Variants in TSPAN7 observed in about 807,000 individuals in gnomAD.
TSPAN7 encodes the protein tetraspanin-7.
Under a neutral mutation model 17.6 loss-of-function variants are expected in TSPAN7, and 1 was observed. The observed-to-expected ratio is 0.06, with a 90% CI of 0.02 to 0.27. TSPAN7 has a LOEUF of 0.27. Ranked by LOEUF, TSPAN7 falls within the 10% of genes least tolerant of loss-of-function variation. The probability of loss-of-function intolerance (pLI) is 1.00; values close to 1 mark genes in which losing one functional copy is unlikely to be tolerated. For missense variants in TSPAN7, 112 were observed against 201.7 expected, an observed-to-expected ratio of 0.56 and a Z score of 2.69; for synonymous variants, 78 against 79.0, an observed-to-expected ratio of 0.99 and a Z score of 0.07.
intron 1 of TSPAN7, among the ~76,000 whole-genome samples, chrX:38,596,110 G>T (rs1284856650): frequency 9.0e-6 from 1 of 111,227 alleles, no homozygotes; most frequent in East Asian, 2.8e-4. Flanking sequence ...GTATCTGGGG[G>T]TAAGAGCATA....
chrX:38,571,320 C>A (rs1016659133), intron 1 of TSPAN7, among the ~76,000 whole-genome samples: 4 of 110,958 alleles, frequency 3.6e-5, no homozygotes, highest in Non-Finnish European at 3.8e-5. Flanking sequence ...ATACTTAGAC[C>A]CCATCCTAAG....
At chrX:38,575,835 G>A (rs776329884) in intron 1 of TSPAN7, among the ~76,000 whole-genome samples, 38 of 111,783 alleles carry the variant, frequency 3.4e-4, no homozygotes, top group African/African-American at 1.1e-3. Flanking sequence ...TTAATATACT[G>A]CTTCCTTCAT....
chrX:38,613,761 A>G (rs2069435179), intron 1 of TSPAN7, among the ~76,000 whole-genome samples: 1 of 110,474 alleles, frequency 9.1e-6, no homozygotes, highest in African/African-American at 3.3e-5. Flanking sequence ...CAGGATAGGT[A>G]CCCTATGTTT....
At chrX:38,575,832 AC>A (rs1295772120) in intron 1 of TSPAN7, among the ~76,000 whole-genome samples, 2 of 111,986 alleles carry the variant, frequency 1.8e-5, no homozygotes, top group Non-Finnish European at 3.8e-5. Flanking sequence ...TAATTAATAT[AC>A]TGCTTCCTTC....
chrX:38,646,347 A>G, intron 1 of TSPAN7: 1 of 1,119,471 alleles, frequency 8.9e-7, no homozygotes, highest in Non-Finnish European at 1.2e-6. Context: ...GGCTCCTACA[A>G]ATATTAATGT....
At chrX:38,687,506 A>G (rs2147461281) in intron 6 of TSPAN7, 93 bp from the exon 7 acceptor site, 1 of 820,338 alleles carries the variant, frequency 1.2e-6, no homozygotes, top group East Asian at 3.6e-5. Context: ...AAAATCACAT[A>G]CCCCATAAAT....
intron 3 of TSPAN7, among the ~76,000 whole-genome samples, chrX:38,671,885 A>T (rs913587647): frequency 9.1e-6 from 1 of 110,422 alleles, no homozygotes; most frequent in Admixed American, 9.7e-5. Context: ...TCTCTAAAAA[A>T]TAAAAAAAAT....
chrX:38,679,872 C>G (rs2069877989), intron 5 of TSPAN7, among the ~76,000 whole-genome samples: 1 of 111,633 alleles, frequency 9.0e-6, no homozygotes, highest in South Asian at 3.8e-4. Flanking sequence ...CCACTCCTAC[C>G]CTGGCCTTCA....
intron 1 of TSPAN7, among the ~76,000 whole-genome samples, chrX:38,644,556 A>G (rs1171895919): frequency 2.7e-5 from 3 of 111,589 alleles, no homozygotes; most frequent in African/African-American, 9.8e-5. Context: ...CCCCGTCTGT[A>G]ATAGAAGTTG....
intron 1 of TSPAN7, among the ~76,000 whole-genome samples, chrX:38,640,355 G>A (rs1001883239): frequency 9.0e-6 from 1 of 111,613 alleles, no homozygotes; most frequent in African/African-American, 3.3e-5. Flanking sequence ...CGAAATATGA[G>A]AACAAAAGGG....
At chrX:38,612,405 A>G (rs2069424435) in intron 1 of TSPAN7, 1 of 111,622 alleles carries the variant, frequency 9.0e-6, no homozygotes, top group Non-Finnish European at 1.9e-5. Flanking sequence ...AAACAGAAGA[A>G]GCCTCATCCA....
At chrX:38,648,416 G>A (rs2069656988) in intron 1 of TSPAN7, among the ~76,000 whole-genome samples, 1 of 111,700 alleles carries the variant, frequency 9.0e-6, no homozygotes, top group African/African-American at 3.3e-5. Context: ...TCACTTTTAG[G>A]ATTTCTATTG....
chrX:38,674,020 C>A (rs1216907901), intron 3 of TSPAN7, among the ~76,000 whole-genome samples: 1 of 111,565 alleles, frequency 9.0e-6, no homozygotes, highest in Non-Finnish European at 1.9e-5. Context: ...CTGAGGGGAA[C>A]AATTTTTTAA....
chrX:38,644,604 G>T (rs148579583), intron 1 of TSPAN7, among the ~76,000 whole-genome samples: 1 of 111,656 alleles, frequency 9.0e-6, no homozygotes, highest in African/African-American at 3.3e-5. Flanking sequence ...GAAGCAATCT[G>T]TAGGGATGAA....
intron 3 of TSPAN7, among the ~76,000 whole-genome samples, chrX:38,673,286 C>T (rs1250529001): frequency 2.7e-5 from 3 of 111,436 alleles, no homozygotes; most frequent in Non-Finnish European, 3.8e-5. Flanking sequence ...CGACATTCCA[C>T]CTTCATCAGG....
intron 1 of TSPAN7, chrX:38,646,290 G>A: frequency 8.7e-7 from 1 of 1,154,795 alleles, no homozygotes; most frequent in Non-Finnish European, 1.1e-6. Context: ...TTTTGTGGCA[G>A]ACAGGATGTG....
At chrX:38,662,585 T>C (rs1286378115) in intron 1 of TSPAN7, among the ~76,000 whole-genome samples, 2 of 102,682 alleles carry the variant, frequency 1.9e-5, no homozygotes, top group Non-Finnish European at 3.9e-5. Flanking sequence ...GTGTGTACCA[T>C]AAGAATTTAG....
chrX:38,601,393 A>G (rs991916247), intron 1 of TSPAN7, among the ~76,000 whole-genome samples: 3 of 111,748 alleles, frequency 2.7e-5, no homozygotes, highest in African/African-American at 9.8e-5. Context: ...AAGACCCAGA[A>G]TAGATACTCT....
intron 1 of TSPAN7, chrX:38,646,421 T>A: frequency 1.4e-6 from 1 of 732,448 alleles, no homozygotes; most frequent in Non-Finnish European, 1.9e-6. Context: ...GGCAGTGGAA[T>A]AGAGTAGAAA....
Sources: allele counts gnomAD v4.1 joint callset (sites outside exome capture counted in the v4.1 genomes callset), GRCh38; gene constraint gnomAD v4.1.1; transcripts MANE v1.5; gene names NCBI Gene and HGNC (gene_info 2026-07-23, HGNC 2026-07-21).